Variants in RLF observed in about 807,000 individuals in gnomAD.
RLF encodes the protein RLF zinc finger.
RLF carries 7 observed loss-of-function variants against 162.9 expected under a neutral mutation model. The ratio of observed to expected loss-of-function variants is 0.04; its 90% CI spans 0.02 to 0.08. The LOEUF (loss-of-function observed/expected upper bound fraction) is 0.08. RLF is among the 10% of genes least tolerant of loss of function. RLF has a pLI of 1.00. For synonymous variants in RLF, 782 were observed against 791.5 expected, an observed-to-expected ratio of 0.99 and a Z score of 0.20; for missense variants, 1,664 against 2,244.7, an observed-to-expected ratio of 0.74 and a Z score of 5.23.
In RLF at chr1:40,218,655, T is replaced by C. The variant is rs530549425; in HGVS notation, c.811-3919T>C. ...GACTGCTATCTCCCCGAGAATTCTT[T>C]TCCTTGGAATCTTTGTGGCTTCCTT... On this transcript the variant is annotated intron_variant, in intron 5 of 7. Coordinates refer to ENST00000372771, the MANE Select transcript of RLF (RefSeq NM_012421.4). Among the ~76,000 whole-genome samples the C allele has an allele frequency of 1.1e-3, 164 of 152,364 alleles. 3 individuals are homozygous for C. Among genetic ancestry groups the C allele is most frequent in the Admixed American group, 9.5e-3 (146 of 15,298 alleles).
chr1:40,239,668 G>A lies in RLF; in HGVS notation c.4966G>A (p.Glu1656Lys), dbSNP rs758862202. The A allele has an allele frequency of 1.9e-6, 3 of 1,614,094 alleles. No individual in the cohort carries two copies. The highest frequency in any genetic ancestry group is 4.5e-5 in the East Asian group (2 of 44,904). The change falls in exon 8 of 8, where the codon GAA (glutamate) becomes AAA (lysine). Residue 1656 changes from glutamate to lysine, a missense_variant. By Grantham distance (56) the Glu-to-Lys change is moderately conservative. Transcript: ENST00000372771. ...ERDGGQKGCI[E>K]SSSVFDADTL... ...GGATGGAGGTCAGAAAGGGTGCATAGAAAGCAGCTCAGTATTTGATGCAGA... is the reference window on the plus strand; with the variant it reads ...GGATGGAGGTCAGAAAGGGTGCATAAAAAGCAGCTCAGTATTTGATGCAGA...
At chr1:40,194,764 A>G (rs1321184976) in intron 3 of RLF, among the ~76,000 whole-genome samples, 2 of 152,032 alleles carry the variant, frequency 1.3e-5, no homozygotes, top group Non-Finnish European at 2.9e-5. Flanking sequence ...GGAATTCAGG[A>G]AAACGTTTTA....
At position 40,189,160 on chromosome 1, in the gene RLF, T is replaced by A; in HGVS notation, c.343T>A (p.Leu115Ile). The change falls in exon 2 of 8, where the codon TTA becomes ATA. Residue 115 changes from leucine to isoleucine, a missense_variant. Leu to Ile is a conservative substitution (Grantham distance 5). This residue lies in a region of RLF where 287 missense variants were observed against 404.9 expected (regional missense o/e 0.71). Transcript: ENST00000372771. ...AAGCTTTGCCAGTGCACGTCCATAC[T>A]TAACTACTGAATGTGAAGATGTCCT... Reference protein sequence around the residue: ...IQSFASARPYLTTECEDVLLV... With the variant: ...IQSFASARPYITTECEDVLLV... 6.2e-7 allele frequency: 1 copy of A among 1,613,986 alleles called. No homozygotes were observed.
intron 5 of RLF, among the ~76,000 whole-genome samples, chr1:40,211,921 G>A (rs986950636): frequency 1.3e-5 from 2 of 152,136 alleles, no homozygotes; most frequent in Non-Finnish European, 2.9e-5. Flanking sequence ...GAGCCATCAC[G>A]CCCAGCCACT....
chr1:40,192,086 A>T (rs1204531803), intron 3 of RLF, among the ~76,000 whole-genome samples: 1 of 152,224 alleles, frequency 6.6e-6, no homozygotes, highest in African/African-American at 2.4e-5. Flanking sequence ...GAAATGATAT[A>T]ATGTTCTCTT....
rs1016447911 is a variant in RLF, at chr1:40,166,666, G to A, written c.237+5030G>A. ...TGGCACATGTACACCATGGAATACC[G>A]TGCAGCCATAAAAAAGGATGAGTTC... On this transcript the variant is annotated intron_variant, in intron 1 of 7. Transcript: ENST00000372771. Among the ~76,000 whole-genome samples the A allele has an allele frequency of 9.9e-5, 15 of 152,004 alleles. 1 individual carries two copies. The highest frequency in any genetic ancestry group is 3.9e-4 in the East Asian group (2 of 5,178).
chr1:40,212,214 G>A (rs1163690112), intron 5 of RLF, among the ~76,000 whole-genome samples: 2 of 152,178 alleles, frequency 1.3e-5, no homozygotes, highest in Non-Finnish European at 1.5e-5. Context: ...ATGGGAAACC[G>A]CTGCTGGGGA....
At chr1:40,206,134 G>A (rs61781768) in intron 5 of RLF, among the ~76,000 whole-genome samples, 7,994 of 152,190 alleles carry the variant, frequency 0.053, 607 homozygotes, top group African/African-American at 0.17. Flanking sequence ...TAACATGTCC[G>A]TAACTAAGCT....
At chr1:40,194,459 G>A (rs912707395) in intron 3 of RLF, among the ~76,000 whole-genome samples, 2 of 151,900 alleles carry the variant, frequency 1.3e-5, no homozygotes, top group African/African-American at 4.8e-5. Flanking sequence ...GACCAACGTG[G>A]CAAAACCCCG....
intron 5 of RLF, among the ~76,000 whole-genome samples, chr1:40,205,827 T>C (rs1366246753): frequency 6.6e-6 from 1 of 152,164 alleles, no homozygotes; most frequent in Non-Finnish European, 1.5e-5. Flanking sequence ...ATATGACCTT[T>C]GCCCCTGGCA....
At position 40,195,760 on chromosome 1, in the gene RLF, G is replaced by T; in HGVS notation, c.603G>T (p.Glu201Asp). Residue 201 changes from glutamate to aspartate, a missense_variant, in exon 4 of 8, where the codon GAG becomes GAT. Around this residue, in one of 15 missense-constraint regions of RLF, gnomAD observed 287 missense variants for 404.9 expected, o/e 0.71. Coordinates refer to ENST00000372771, the MANE Select transcript of RLF (RefSeq NM_012421.4). ...KILSQQPVETEEVNKLIAQEG... is the reference protein window; with the variant it reads ...KILSQQPVETDEVNKLIAQEG... Reference sequence around the variant, plus strand: ...TGTCTCAACAGCCAGTAGAAACGGAGGAAGGTAAGTCTTAAGACTATATTG... The same window carrying T: ...TGTCTCAACAGCCAGTAGAAACGGATGAAGGTAAGTCTTAAGACTATATTG... The T allele has an allele frequency of 6.2e-7, 1 of 1,613,396 alleles. No homozygotes were observed. Among genetic ancestry groups the T allele is most frequent in the Non-Finnish European group, 8.5e-7 (1 of 1,179,706 alleles).
intron 6 of RLF, among the ~76,000 whole-genome samples, chr1:40,229,448 C>CTTTTTTTTT (rs1005418216): frequency 1.1e-4 from 10 of 90,982 alleles, no homozygotes; most frequent in Middle Eastern, 6.6e-3. Flanking sequence ...ATTCATTTAT[C>CTTTTTTTTT]TTTTTTTTTT....
chr1:40,228,324 A>G (rs1643105498), intron 6 of RLF, among the ~76,000 whole-genome samples: 1 of 149,244 alleles, frequency 6.7e-6, no homozygotes, highest in African/African-American at 2.5e-5. Context: ...CATGCATGTA[A>G]TGTAATCCCA....
rs34756935 is a variant in RLF, at chr1:40,214,918, C to CAAA, written c.811-7631_811-7629dup. 4.8e-3 allele frequency among the ~76,000 whole-genome samples: 69 copies of CAAA among 14,388 alleles called. 18 individuals carry two copies. Among genetic ancestry groups the CAAA allele is most frequent in the African/African-American group, 0.011 (50 of 4,388 alleles). The allele number at this position is 14,388 out of a possible 152,430, so 9.4% of individuals were successfully genotyped here. A position where few individuals can be genotyped will look rare whatever the true frequency, so the allele number is the denominator to read the frequency against. Reference sequence around the variant, plus strand: ...CACCTGGACAAGAGTGAGCCTGTCTCAAAAAAAAAAAAAAAAAAAAAAAAA... The same window carrying CAAA: ...CACCTGGACAAGAGTGAGCCTGTCTCAAAAAAAAAAAAAAAAAAAAAAAAAAAA... On this transcript the variant is annotated intron_variant, in intron 5 of 7. Coordinates refer to ENST00000372771, the MANE Select transcript of RLF (RefSeq NM_012421.4).
At chr1:40,182,174 C>G (rs1006452357) in intron 1 of RLF, among the ~76,000 whole-genome samples, 4 of 152,104 alleles carry the variant, frequency 2.6e-5, no homozygotes, top group Non-Finnish European at 2.9e-5. Context: ...TGGCTCATGC[C>G]TGTAATTCCA....
At chr1:40,221,675 T>C (rs931330645) in intron 5 of RLF, among the ~76,000 whole-genome samples, 3 of 147,958 alleles carry the variant, frequency 2.0e-5, no homozygotes, top group Non-Finnish European at 4.5e-5. Flanking sequence ...CCAAGGCGGG[T>C]GAATCACGAG....
chr1:40,218,611 A>G (rs940651054), intron 5 of RLF, among the ~76,000 whole-genome samples: 3 of 151,984 alleles, frequency 2.0e-5, no homozygotes, highest in African/African-American at 7.3e-5. Flanking sequence ...TTTGGGCTAC[A>G]TTCTCCCCTA....
chr1:40,183,165 A>G (rs758647743), intron 1 of RLF, among the ~76,000 whole-genome samples: 1 of 152,088 alleles, frequency 6.6e-6, no homozygotes. Context: ...TCAGAGATCC[A>G]TCTCAAGTGC....
At position 40,238,438 on chromosome 1, in the gene RLF, C is replaced by T; in HGVS notation, c.3736C>T (p.Pro1246Ser). The stretch of plus-strand genomic sequence containing the variant: ...TAACTCTGAGAAACCACACTGTCAT[C>T]CTAAAAAGGATGAATGTAGTTCTGA... ...SSNSEKPHCHPKKDECSSETD... is the reference protein window; with the variant it reads ...SSNSEKPHCHSKKDECSSETD... The change falls in exon 8 of 8, where the codon CCT (proline) becomes TCT (serine). Residue 1246 changes from proline to serine, a missense_variant. Transcript: ENST00000372771. This position sits in a 1 kb window ranked among gnomAD's most constrained non-coding sequence, Gnocchi z 5.2. 3 of 1,614,012 alleles carry T rather than the reference C, an allele frequency of 1.9e-6. No homozygotes were observed. The highest frequency in any genetic ancestry group is 2.5e-6 in the Non-Finnish European group (3 of 1,179,992).
Sources: allele counts gnomAD v4.1 joint callset (sites outside exome capture counted in the v4.1 genomes callset), GRCh38; gene constraint gnomAD v4.1.1; regional missense constraint gnomAD v4.1.1; non-coding constraint Gnocchi (gnomAD v3.1); transcripts MANE v1.5; gene names NCBI Gene and HGNC (gene_info 2026-07-23, HGNC 2026-07-21).